Variants in HSPG2 observed in about 807,000 individuals in gnomAD.
HSPG2 encodes the protein basement membrane-specific heparan sulfate proteoglycan core protein.
In HSPG2, 278 loss-of-function variants were observed where a neutral mutation model predicts 526.6. The observed-to-expected ratio is 0.53, with a 90% CI of 0.48 to 0.58. HSPG2 has a LOEUF of 0.58. HSPG2 is among the 20% of genes least tolerant of loss of function. The pLI, the probability that HSPG2 is intolerant of heterozygous loss-of-function variation, is 0.00. For synonymous variants in HSPG2, 2,465 were observed against 2,555.4 expected (o/e 0.96, Z 1.07); for missense variants, 5,354 against 6,099.5 (o/e 0.88, Z 4.07).
At position 21,823,428 on chromosome 1, in the gene HSPG2, C is replaced by A; in HGVS notation, c.13064G>T (p.Cys4355Phe). The A allele has an allele frequency of 6.3e-7, 1 of 1,589,060 alleles. No homozygotes were observed. Among genetic ancestry groups the A allele is most frequent in the Non-Finnish European group, 8.5e-7 (1 of 1,172,328 alleles). Residue 4355 changes from cysteine to phenylalanine, a missense_variant, in exon 97 of 97, where the codon TGT becomes TTT. Physicochemically the swap from Cys to Phe is radical, Grantham distance 205. Coordinates refer to ENST00000374695, the MANE Select transcript of HSPG2 (RefSeq NM_005529.7). ...GGRFSSGITG[C>F]VKNLVLHSAR... ...CGAGTGCAGCACCAGGTTCTTGACA[C>A]AGCCTGTGATGCCTGAGGAGAATCT...
At chr1:21,825,137 G>A (rs560834218) in intron 91 of HSPG2, 1 of 348,200 alleles carries the variant, frequency 2.9e-6, no homozygotes, top group East Asian at 7.0e-5. Context: ...TTGCTGCTTT[G>A]AAATTGTGGT....
At chr1:21,906,721 G>C (rs369942253) in intron 1 of HSPG2, among the ~76,000 whole-genome samples, 4 of 112,076 alleles carry the variant, frequency 3.6e-5, no homozygotes, top group African/African-American at 1.6e-4. Context: ...AACATGATGG[G>C]ACTGGGGGGT....
chr1:21,859,774 C>G lies in HSPG2; in HGVS notation c.5182+61G>C, dbSNP rs75373757. 6.3e-4 allele frequency: 997 copies of G among 1,588,972 alleles called. 6 individuals are homozygous for G. In the African/African-American group the frequency reaches 0.012, roughly 19 times the overall value. On this transcript the variant is annotated intron_variant, in intron 41 of 96. Coordinates refer to ENST00000374695, the MANE Select transcript of HSPG2 (RefSeq NM_005529.7). The surrounding 1 kb of genome is among the most constrained non-coding windows in gnomAD (Gnocchi z 5.3). ...AGCATCCCACTAGGGCAGGGACAGG[C>G]CCCTGCCTCCCCTCCCACTGGGATG...
Position 21,865,540 on chromosome 1 carries a change from G to A in HSPG2, c.4315-175C>T, listed in dbSNP as rs1266064724. ...CCACTGCCCCCTTCTCCCAGCAGCA[G>A]GATCCTCTGCTTGGGTAGTGTCCAA... is the stretch of plus-strand genomic sequence containing the variant. On this transcript the variant is annotated intron_variant, in intron 34 of 96. Coordinates refer to ENST00000374695, the MANE Select transcript of HSPG2 (RefSeq NM_005529.7). The surrounding 1 kb of genome is among the most constrained non-coding windows in gnomAD (Gnocchi z 5.4). Among the ~76,000 whole-genome samples the A allele has an allele frequency of 6.6e-6, 1 of 152,228 alleles. No homozygotes were observed. The highest frequency in any genetic ancestry group is 1.5e-5 in the Non-Finnish European group (1 of 68,034).
In HSPG2 at chr1:21,872,449, G is replaced by C; in HGVS notation, c.4030-72C>G. On this transcript the variant is annotated intron_variant, in intron 32 of 96. Coordinates refer to ENST00000374695, the MANE Select transcript of HSPG2 (RefSeq NM_005529.7). This position sits in a 1 kb window ranked among gnomAD's most constrained non-coding sequence, Gnocchi z 5.5. ...CTTGGTGGGGGATGGGGCACGGGAGGGTGTTAAGGTGCGGAATGGGGTCCT... is the reference window on the plus strand; with the variant it reads ...CTTGGTGGGGGATGGGGCACGGGAGCGTGTTAAGGTGCGGAATGGGGTCCT... The C allele has an allele frequency of 6.9e-7, 1 of 1,442,120 alleles. No homozygotes were observed. The highest frequency in any genetic ancestry group is 2.5e-5 in the East Asian group (1 of 40,208). 89.3% of individuals were successfully genotyped at this position (1,442,120 alleles called of 1,614,324 possible).
rs776288513 is a variant in HSPG2, at chr1:21,828,300, C to T, written c.12364G>A (p.Ala4122Thr). 49 of 1,613,664 alleles carry T rather than the reference C, an allele frequency of 3.0e-5. No individual in the cohort carries two copies. The highest frequency in any genetic ancestry group is 5.3e-5 in the African/African-American group (4 of 74,914). The change falls in exon 89 of 97, where the codon GCT (alanine) becomes ACT (threonine). Residue 4122 changes from alanine (A) to threonine (T), a missense_variant. Coordinates refer to ENST00000374695, the MANE Select transcript of HSPG2 (RefSeq NM_005529.7). The surrounding 1 kb of genome is among the most constrained non-coding windows in gnomAD (Gnocchi z 6.0). Reference sequence around the variant, plus strand: ...AGGCACTGGAACTCATACTCGCCAGCGGGCATGCACGTGGCACCATGTTGG... The same window carrying T: ...AGGCACTGGAACTCATACTCGCCAGTGGGCATGCACGTGGCACCATGTTGG... ...PCQHGATCMP[A>T]GEYEFQCLCR...
intron 1 of HSPG2, among the ~76,000 whole-genome samples, chr1:21,924,919 C>T (rs567993427): frequency 2.7e-4 from 41 of 152,252 alleles, no homozygotes; most frequent in African/African-American, 9.9e-4. Flanking sequence ...CCAGATAACT[C>T]ATGCCCAATC....
chr1:21,871,070 A>G (rs1640607308), intron 33 of HSPG2, among the ~76,000 whole-genome samples: 1 of 152,100 alleles, frequency 6.6e-6, no homozygotes, highest in Non-Finnish European at 1.5e-5. Flanking sequence ...CCAACCCCAG[A>G]GCGTGGGTGC....
chr1:21,854,054 T>C, intron 50 of HSPG2, 139 bp downstream of exon 50: 2 of 946,382 alleles, frequency 2.1e-6, no homozygotes, highest in Admixed American at 5.7e-5. Context: ...CTCAACCTCC[T>C]TCTCTCTCTG....
At chr1:21,838,694 G>A (rs1557690387) in intron 74 of HSPG2, 131 bp downstream of exon 74, 1 of 949,838 alleles carries the variant, frequency 1.1e-6, no homozygotes, top group Non-Finnish European at 1.6e-6. Flanking sequence ...GGGCCCTGGA[G>A]AGTAGGGGAG....
chr1:21,841,534 C>T lies in HSPG2; in HGVS notation c.9328+5G>A. ...CAGAGCCCCACAGGGTCAACGTCCC[C>T]TCACCGTGCACACTGAGGTTCACCA... On this transcript the variant is annotated splice_donor_5th_base_variant and intron_variant, in intron 70 of 96. Transcript: ENST00000374695. The T allele has an allele frequency of 6.2e-7, 1 of 1,614,240 alleles. No individual in the cohort carries two copies. The highest frequency in any genetic ancestry group is 8.5e-7 in the Non-Finnish European group (1 of 1,180,038).
intron 1 of HSPG2, among the ~76,000 whole-genome samples, chr1:21,925,418 G>A (rs954242428): frequency 6.6e-6 from 1 of 152,120 alleles, no homozygotes; most frequent in Non-Finnish European, 1.5e-5. Context: ...CAGTATGAGG[G>A]GGACACAGGG....
rs776665298 is a variant in HSPG2, at chr1:21,887,531, G to A, written c.847C>T (p.Leu283=). 18 of 1,613,986 alleles carry A rather than the reference G, an allele frequency of 1.1e-5. No individual in the cohort carries two copies. In the Middle Eastern group the frequency reaches 1.8e-3, roughly 163 times the overall value. The change falls in exon 8 of 97, where the codon CTG becomes TTG. Residue 283 remains leucine (L), a synonymous_variant. Coordinates refer to ENST00000374695, the MANE Select transcript of HSPG2 (RefSeq NM_005529.7). The surrounding 1 kb of genome is among the most constrained non-coding windows in gnomAD (Gnocchi z 5.0). ...QPLLPGSVRP[L]PCGPQEAACR... is the part of the protein sequence containing the mutation. The stretch of plus-strand genomic sequence containing the variant: ...GCGGCCTCCTGGGGCCCACAGGGCA[G>A]GGGCCTGACGGAACCGGGAAGCAGG...
At chr1:21,933,708 C>T (rs1322297056) in intron 1 of HSPG2, among the ~76,000 whole-genome samples, 1 of 152,268 alleles carries the variant, frequency 6.6e-6, no homozygotes, top group East Asian at 1.9e-4. Flanking sequence ...TGGTCCATCT[C>T]TGCCCCTTCC....
At chr1:21,851,413 A>T in intron 55 of HSPG2, 133 bp downstream of exon 55, 1 of 1,328,362 alleles carries the variant, frequency 7.5e-7, no homozygotes, top group Admixed American at 1.9e-5. Context: ...GTTTCTAACC[A>T]CTGCACTATA....
intron 1 of HSPG2, among the ~76,000 whole-genome samples, chr1:21,910,465 C>T (rs147287718): frequency 2.6e-5 from 4 of 152,328 alleles, no homozygotes; most frequent in African/African-American, 7.2e-5. Context: ...ACTCTGCCAT[C>T]GATCTTCTCT....
chr1:21,861,019 G>A (rs1341572874), intron 39 of HSPG2, among the ~76,000 whole-genome samples: 2 of 152,210 alleles, frequency 1.3e-5, no homozygotes, highest in Admixed American at 6.5e-5. Flanking sequence ...GGGACTTCTC[G>A]TATTACCTCA....
chr1:21,841,513 G>A (rs1220539850), intron 70 of HSPG2, 26 bp downstream of exon 70: 2 of 1,614,006 alleles, frequency 1.2e-6, no homozygotes, highest in Middle Eastern at 1.6e-4. Flanking sequence ...ACAGGGCAGA[G>A]CCCCACAGGG....
In HSPG2 at chr1:21,881,420, C is replaced by G. The variant is rs374153534; in HGVS notation, c.1737G>C (p.Glu579Asp). ...GGCGGGACAGGTCGACTAGCTGGAA[C>G]TCGTGCAGGGATGGGTCGATCTGCA... is the stretch of plus-strand genomic sequence containing the variant. ...TQLQIDPSLHEFQLVDLSRRF... is the reference protein window; with the variant it reads ...TQLQIDPSLHDFQLVDLSRRF... The change falls in exon 14 of 97, where the codon GAG (glutamate) becomes GAC (aspartate). Residue 579 changes from glutamate to aspartate, a missense_variant. Coordinates refer to ENST00000374695, the MANE Select transcript of HSPG2 (RefSeq NM_005529.7). 1.9e-6 allele frequency: 3 copies of G among 1,614,074 alleles called. No homozygotes were observed. Among genetic ancestry groups the G allele is most frequent in the Non-Finnish European group, 2.5e-6 (3 of 1,180,036 alleles).
Sources: allele counts gnomAD v4.1 joint callset (sites outside exome capture counted in the v4.1 genomes callset), GRCh38; gene constraint gnomAD v4.1.1; non-coding constraint Gnocchi (gnomAD v3.1); transcripts MANE v1.5; gene names NCBI Gene and HGNC (gene_info 2026-07-23, HGNC 2026-07-21).